The following WDR13 variants were observed in gnomAD, a reference collection of about 807,000 sequenced individuals.
WDR13 encodes WD repeat domain 13, also known as WD repeat-containing protein 13.
WDR13 carries 1 observed loss-of-function variant against 28.6 expected under a neutral mutation model. The ratio of observed to expected loss-of-function variants is 0.03; its 90% confidence interval spans 0.01 to 0.17. The LOEUF is 0.17. Among genes scored for constraint, WDR13 ranks in the 10% least tolerant of loss-of-function variants. WDR13 has a pLI of 1.00. For synonymous variants in WDR13, 201 were observed against 185.9 expected, an observed-to-expected ratio of 1.08 and a Z score of -0.66; for missense variants, 264 against 469.3, an observed-to-expected ratio of 0.56 and a Z score of 4.04.
In WDR13 at chrX:48,604,290, G is replaced by T; in HGVS notation, c.1173G>T (p.Gly391=). 1 of 1,211,440 alleles carries T rather than the reference G, an allele frequency of 8.3e-7. No homozygotes were observed. The highest frequency in any genetic ancestry group is 1.1e-6 in the Non-Finnish European group (1 of 895,277). The change falls in exon 9 of 10, where the codon GGG becomes GGT. Residue 391 remains glycine, a synonymous_variant. Transcript: ENST00000376729. ...LLLYRVVDNE[G]TLQLKRSFPI... is the part of the protein sequence containing the mutation. ...CTCTCAGGGTGGTAGACAACGAGGG[G>T]ACCCTGCAGCTGAAGAGAAGCTTCC...
In WDR13 at chrX:48,604,753, G is replaced by A. The variant is rs781940273; in HGVS notation, c.1274-95G>A. 88 of 1,005,869 alleles carry A rather than the reference G, an allele frequency of 8.7e-5. 1 individual carries two copies. The South Asian group carries it at 1.4e-3, about 16-fold the overall frequency. The allele number at this position is 1,005,869 out of a possible 1,213,427, so 82.9% of individuals were successfully genotyped here. A position where few individuals can be genotyped will look rare whatever the true frequency, so the allele number is the denominator to read the frequency against. ...AAGCCATGCTAGGACCTCACACCTC[G>A]GACATACACCCTTCAACACCTCAGA... On this transcript the variant is annotated intron_variant, in intron 9 of 9. Coordinates refer to ENST00000376729, the MANE Select transcript of WDR13 (RefSeq NM_001347217.2).
intron 9 of WDR13, 61 bp from the exon 10 acceptor site, chrX:48,604,787 G>T (rs1317626703): frequency 8.8e-7 from 1 of 1,142,595 alleles, no homozygotes; most frequent in African/African-American, 1.8e-5. Flanking sequence ...GACACCTCAG[G>T]GACTTCCCAC....
At chrX:48,603,312 C>T (rs986213337) in intron 8 of WDR13, among the ~76,000 whole-genome samples, 1 of 112,101 alleles carries the variant, frequency 8.9e-6, no homozygotes, top group Non-Finnish European at 1.9e-5. Context: ...GCCACCTTGC[C>T]TAGCTCCCAC....
At chrX:48,598,225 A>G in intron 2 of WDR13, 188 bp downstream of exon 2, 1 of 1,107,021 alleles carries the variant, frequency 9.0e-7, no homozygotes, top group Non-Finnish European at 1.2e-6. Flanking sequence ...TCTAAACAGC[A>G]AGCTGGGAAA....
chrX:48,608,866 C>G lies in WDR13; in HGVS notation c.*3834C>G, dbSNP rs1046405294. On this transcript the variant is annotated 3_prime_UTR_variant, in exon 10 of 10. Coordinates refer to ENST00000376729, the MANE Select transcript of WDR13 (RefSeq NM_001347217.2). ...AAAGAATAAAAATAGTGTTATCAGT[C>G]ACATTTGGGCCTCGGTTAACTTGTT... 1 of 111,482 alleles carries G rather than the reference C, an allele frequency of 9.0e-6. No homozygotes were observed. Among genetic ancestry groups the G allele is most frequent in the African/African-American group, 3.3e-5 (1 of 30,682 alleles). 9.2% of individuals were successfully genotyped at this position (111,482 alleles called of 1,213,427 possible).
At chrX:48,601,412 G>A (rs782453169) in intron 6 of WDR13, among the ~76,000 whole-genome samples, 24 of 112,218 alleles carry the variant, frequency 2.1e-4, no homozygotes, top group Non-Finnish European at 3.8e-4. Context: ...CTTGTGGGCC[G>A]GGATCCTCCC....
At position 48,600,315 on chromosome X, in the gene WDR13, G is replaced by C; in HGVS notation, c.524-4G>C. 2.5e-6 allele frequency: 3 copies of C among 1,182,141 alleles called. No homozygotes were observed. Among genetic ancestry groups the C allele is most frequent in the Non-Finnish European group, 3.4e-6 (3 of 883,376 alleles). The stretch of plus-strand genomic sequence containing the variant: ...TTCCCACTAATGGCTTCTTGGCATT[G>C]CAGTCCCAAGGGTGCGCTTCGCCAA... On this transcript the variant is annotated splice_region_variant and splice_polypyrimidine_tract_variant and intron_variant, in intron 5 of 9. Coordinates refer to ENST00000376729, the MANE Select transcript of WDR13 (RefSeq NM_001347217.2).
chrX:48,601,292 G>A (rs1033654525), intron 6 of WDR13, among the ~76,000 whole-genome samples: 4 of 112,828 alleles, frequency 3.5e-5, no homozygotes, highest in Non-Finnish European at 5.6e-5. Context: ...TGGCCCCACC[G>A]TGTCAGACTC....
chrX:48,600,227 C>A, intron 5 of WDR13, 92 bp from the exon 6 acceptor site: 1 of 1,041,024 alleles, frequency 9.6e-7, no homozygotes, highest in Non-Finnish European at 1.3e-6. Context: ...TGCAGTGGGG[C>A]CCCAGCCCCA....
chrX:48,598,382 A>G, intron 2 of WDR13: 1 of 1,010,293 alleles, frequency 9.9e-7, no homozygotes. Flanking sequence ...ATCACCTCCC[A>G]ACGCTGACCC....
At position 48,608,126 on chromosome X, in the gene WDR13, C is replaced by CTTTT. The variant is rs782429095; in HGVS notation, c.*3106_*3109dup. The CTTTT allele has an allele frequency of 1.1e-5, 1 of 89,735 alleles. No homozygotes were observed. Among genetic ancestry groups the CTTTT allele is most frequent in the African/African-American group, 4.2e-5 (1 of 23,964 alleles). The allele number at this position is 89,735 out of a possible 1,213,427, so 7.4% of individuals were successfully genotyped here. On this transcript the variant is annotated 3_prime_UTR_variant, in exon 10 of 10. Transcript: ENST00000376729. The stretch of plus-strand genomic sequence containing the variant: ...AAGCCATTCTTTTTTTTCTTTCTTT[C>CTTTT]TTTTTTTTTTTTTTTGAGACAGGGT...
At position 48,608,485 on chromosome X, in the gene WDR13, C is replaced by G. The variant is rs782063919; in HGVS notation, c.*3453C>G. 8.9e-6 allele frequency: 1 copy of G among 111,961 alleles called. No individual in the cohort carries two copies. The highest frequency in any genetic ancestry group is 3.2e-5 in the African/African-American group (1 of 30,811). 9.2% of individuals were successfully genotyped at this position (111,961 alleles called of 1,213,427 possible). On this transcript the variant is annotated 3_prime_UTR_variant, in exon 10 of 10. Transcript: ENST00000376729. ...TGGAGTCTATGTTCTTAGACACCAC[C>G]CAAGGGCCAACCTTGAAGCAGGCCT...
intron 1 of WDR13, 168 bp downstream of exon 1, chrX:48,597,782 G>A: frequency 1.9e-6 from 1 of 520,757 alleles, no homozygotes; most frequent in Non-Finnish European, 2.9e-6. Flanking sequence ...TGTGTCACCC[G>A]GGCGCTGCCC....
At chrX:48,597,858 G>T (rs2062153180) in intron 1 of WDR13, 100 bp from the exon 2 acceptor site, 1 of 1,026,094 alleles carries the variant, frequency 9.7e-7, no homozygotes, top group Non-Finnish European at 1.3e-6. Flanking sequence ...CATCTCCGGC[G>T]CGGAGGGACT....
chrX:48,603,258 T>A (rs1266607546), intron 8 of WDR13, among the ~76,000 whole-genome samples: 1 of 112,561 alleles, frequency 8.9e-6, no homozygotes, highest in Non-Finnish European at 1.9e-5. Flanking sequence ...CCTCAAGTGA[T>A]CCTTGTACCT....
intron 4 of WDR13, 39 bp from the exon 5 acceptor site, chrX:48,599,548 T>C: frequency 8.3e-7 from 1 of 1,211,432 alleles, no homozygotes; most frequent in African/African-American, 1.7e-5. Flanking sequence ...CACTCTCGCA[T>C]CTACCTCCTG....
intron 8 of WDR13, 184 bp from the exon 9 acceptor site, chrX:48,604,088 G>A (rs2062205426): frequency 2.4e-6 from 1 of 412,955 alleles, no homozygotes; most frequent in Non-Finnish European, 4.2e-6. Context: ...GCAGTGAGCC[G>A]TGATCGCACC....
At chrX:48,604,068 G>A (rs1269780449) in intron 8 of WDR13, 1 of 391,291 alleles carries the variant, frequency 2.6e-6, no homozygotes, top group African/African-American at 2.6e-5. Context: ...GAGCCTAGGA[G>A]GTTGAGGCTG....
chrX:48,598,074 T>TA, intron 2 of WDR13, 37 bp downstream of exon 2: 1 of 1,161,148 alleles, frequency 8.6e-7, no homozygotes, highest in Non-Finnish European at 1.1e-6. Flanking sequence ...GAGCAGAACT[T>TA]ACTGTGGTGC....
Sources: allele counts gnomAD v4.1 joint callset (sites outside exome capture counted in the v4.1 genomes callset), GRCh38; gene constraint gnomAD v4.1.1; transcripts MANE v1.5; gene names NCBI Gene and HGNC (gene_info 2026-07-23, HGNC 2026-07-21).